RAD51D: variants seen among roughly 807,000 people sequenced by gnomAD.
RAD51D encodes the protein RAD51 paralog D.
Under a neutral mutation model 44.1 loss-of-function variants are expected in RAD51D, and 38 were observed. The observed-to-expected ratio is 0.86, with a 90% CI of 0.67 to 1.13. The LOEUF (loss-of-function observed/expected upper bound fraction) is 1.13, where lower values mean the gene tolerates loss of function less well. RAD51D is among the 50% of genes most tolerant of loss of function. RAD51D has a pLI of 0.00. For synonymous variants in RAD51D, 141 were observed against 166.6 expected, an observed-to-expected ratio of 0.85 and a Z score of 1.18; for missense variants, 390 against 414.0, an observed-to-expected ratio of 0.94 and a Z score of 0.50.
chr17:35,119,321 G>C, intron 1 of RAD51D, 149 bp from the exon 2 acceptor site: 2 of 918,620 alleles, frequency 2.2e-6, no homozygotes, highest in Non-Finnish European at 3.5e-6. Flanking sequence ...TGCAGGAGCC[G>C]GCGCGGTGCC....
chr17:35,112,368 G>A (rs1325190051), intron 3 of RAD51D, among the ~76,000 whole-genome samples: 4 of 152,060 alleles, frequency 2.6e-5, no homozygotes, highest in Admixed American at 6.5e-5. Flanking sequence ...GAACCACCAC[G>A]CCCAGCCATT....
At chr17:35,102,992 A>G (rs1220071772) in intron 8 of RAD51D, among the ~76,000 whole-genome samples, 3 of 152,200 alleles carry the variant, frequency 2.0e-5, no homozygotes, top group Admixed American at 6.5e-5. Flanking sequence ...AAACAAGGAG[A>G]AAGTTACTCT....
intron 6 of RAD51D, among the ~76,000 whole-genome samples, chr17:35,105,222 C>T (rs1453045340): frequency 6.6e-6 from 1 of 152,192 alleles, no homozygotes; most frequent in African/African-American, 2.4e-5. Context: ...GTGAGGTAAG[C>T]ACTACTCAGC....
chr17:35,115,289 T>C (rs1232335113), intron 3 of RAD51D: 1 of 518,146 alleles, frequency 1.9e-6, no homozygotes, highest in Non-Finnish European at 3.9e-6. Context: ...TCATATTTCC[T>C]GACAGTCTTA....
chr17:35,100,980 A>ACTCTG lies in RAD51D; in HGVS notation c.955_959dup (p.Ala321ArgfsTer32), dbSNP rs771998974. 1.2e-5 allele frequency: 19 copies of ACTCTG among 1,613,644 alleles called. No homozygotes were observed. The South Asian group carries it at 2.1e-4, about 18-fold the overall frequency. On this transcript the variant is annotated frameshift_variant, in exon 10 of 10. Coordinates refer to ENST00000345365, the MANE Select transcript of RAD51D (RefSeq NM_002878.4). LOFTEE classifies it high-confidence loss of function. ...ATGTCTGATCACCCTGTAATGTGGC[A>ACTCTG]CTCTGCTCTGAGGTCCCCCAGGTCC...
rs1555568182 is a variant in RAD51D, at chr17:35,106,491, T to C, written c.481-10A>G. 1 of 1,606,310 alleles carries C rather than the reference T, an allele frequency of 6.2e-7. No individual in the cohort carries two copies. Among genetic ancestry groups the C allele is most frequent in the Non-Finnish European group, 8.5e-7 (1 of 1,175,062 alleles). On this transcript the variant is annotated splice_polypyrimidine_tract_variant and intron_variant, in intron 5 of 9. Coordinates refer to ENST00000345365, the MANE Select transcript of RAD51D (RefSeq NM_002878.4). ...TCCGGAGAGCTTCTGCCTGAAGCGG[T>C]GGAAAAGAAAAGCAAGGACTTTGGA...
intron 8 of RAD51D, among the ~76,000 whole-genome samples, chr17:35,101,994 G>T (rs2091544079): frequency 6.6e-6 from 1 of 152,096 alleles, no homozygotes; most frequent in African/African-American, 2.4e-5. Context: ...ACAGCGTTAT[G>T]AATGTATTTA....
chr17:35,107,832 G>A (rs945580976), intron 3 of RAD51D, among the ~76,000 whole-genome samples: 1 of 134,014 alleles, frequency 7.5e-6, no homozygotes, highest in Non-Finnish European at 1.5e-5. Flanking sequence ...TCTACTCACT[G>A]CAACCTCCAC....
chr17:35,099,959 T>C lies in RAD51D; in HGVS notation c.*994A>G. 1 of 527,074 alleles carries C rather than the reference T, an allele frequency of 1.9e-6. No individual in the cohort carries two copies. The highest frequency in any genetic ancestry group is 3.7e-6 in the Non-Finnish European group (1 of 271,844). 32.6% of individuals were successfully genotyped at this position (527,074 alleles called of 1,614,324 possible). On this transcript the variant is annotated 3_prime_UTR_variant, in exon 10 of 10. Transcript: ENST00000345365. ...GCTGGCAGGAAGAGAGGTGTAATTA[T>C]ATTGCATCTTGGAGCCACCAGCAAT...
At position 35,119,271 on chromosome 17, in the gene RAD51D, C is replaced by T. The variant is rs570711672; in HGVS notation, c.83-99G>A. 6 of 1,184,874 alleles carry T rather than the reference C, an allele frequency of 5.1e-6. No individual in the cohort carries two copies. The Admixed American group carries it at 9.1e-5, about 18-fold the overall frequency. 73.4% of individuals were successfully genotyped at this position (1,184,874 alleles called of 1,614,324 possible). On this transcript the variant is annotated intron_variant, in intron 1 of 9. Transcript: ENST00000345365. ...CAAATGGGGTGTCAATTCTACCCCC[C>T]GGCAGGCCGTCTCAGGAGGCCAGTG... is the stretch of plus-strand genomic sequence containing the variant.
chr17:35,112,926 A>G (rs2091695262), intron 3 of RAD51D, among the ~76,000 whole-genome samples: 1 of 152,212 alleles, frequency 6.6e-6, no homozygotes, highest in South Asian at 2.1e-4. Context: ...CCCAATAATC[A>G]TTCCAGAAAA....
At chr17:35,113,579 T>G in intron 3 of RAD51D, 1 of 447,974 alleles carries the variant, frequency 2.2e-6, no homozygotes, top group Non-Finnish European at 4.5e-6. Flanking sequence ...CCCAACCATT[T>G]TAATTCCAGG....
intron 3 of RAD51D, among the ~76,000 whole-genome samples, chr17:35,110,385 T>C (rs1458774992): frequency 6.6e-6 from 1 of 152,204 alleles, no homozygotes; most frequent in Admixed American, 6.5e-5. Flanking sequence ...TCCCATTCTG[T>C]ACTTCTCTTT....
chr17:35,112,031 A>G (rs528554969), intron 3 of RAD51D, among the ~76,000 whole-genome samples: 1 of 152,322 alleles, frequency 6.6e-6, no homozygotes, highest in South Asian at 2.1e-4. Flanking sequence ...CAAGTATTTC[A>G]TTTCTCTGAA....
chr17:35,114,648 C>T (rs2091716391), intron 3 of RAD51D, among the ~76,000 whole-genome samples: 1 of 152,126 alleles, frequency 6.6e-6, no homozygotes. Flanking sequence ...TATGATTGTG[C>T]ACCACTGCAC....
At chr17:35,110,549 A>G (rs1342645631) in intron 3 of RAD51D, among the ~76,000 whole-genome samples, 3 of 152,176 alleles carry the variant, frequency 2.0e-5, no homozygotes, top group Non-Finnish European at 4.4e-5. Flanking sequence ...TTGGTTTTAC[A>G]TTTAAGTCTA....
In RAD51D at chr17:35,100,914, G is replaced by T. The variant is rs539150931; in HGVS notation, c.*39C>A. On this transcript the variant is annotated 3_prime_UTR_variant, in exon 10 of 10. Coordinates refer to ENST00000345365, the MANE Select transcript of RAD51D (RefSeq NM_002878.4). ...TTACTGGGAAGAAAAGTTGGGAGGG[G>T]TCCCCAATGCTTCCCTGTTTCCCAA... 4.5e-6 allele frequency: 7 copies of T among 1,557,838 alleles called. No homozygotes were observed. The African/African-American group carries it at 8.1e-5, about 18-fold the overall frequency.
chr17:35,115,639 G>A (rs2091726951), intron 3 of RAD51D, among the ~76,000 whole-genome samples: 1 of 152,102 alleles, frequency 6.6e-6, no homozygotes, highest in South Asian at 2.1e-4. Context: ...GAAGGCCAAG[G>A]CGGGCGGATC....
intron 3 of RAD51D, 70 bp downstream of exon 3, chr17:35,118,431 T>G: frequency 7.5e-7 from 1 of 1,333,986 alleles, no homozygotes. Context: ...GACTCAAGCA[T>G]CAAAAGCAGA....
Sources: allele counts gnomAD v4.1 joint callset (sites outside exome capture counted in the v4.1 genomes callset), GRCh38; gene constraint gnomAD v4.1.1; transcripts MANE v1.5; gene names NCBI Gene and HGNC (gene_info 2026-07-23, HGNC 2026-07-21).